Variants in CTTNBP2 observed in about 807,000 individuals in gnomAD.
CTTNBP2 encodes the protein cortactin-binding protein 2.
In CTTNBP2, 108 loss-of-function variants were observed where a neutral mutation model predicts 156.9. That is an observed-to-expected ratio of 0.69 (90% CI 0.59 to 0.81). The LOEUF is 0.81. Ranked by LOEUF, CTTNBP2 falls within the 30% of genes least tolerant of loss-of-function variation. CTTNBP2 has a pLI of 0.00. For missense variants in CTTNBP2, 1,924 were observed against 2,035.4 expected (o/e 0.95, Z 1.05); for synonymous variants, 767 against 751.8 (o/e 1.02, Z -0.33).
At chr7:117,807,526 T>TG (rs1405181361) in intron 3 of CTTNBP2, among the ~76,000 whole-genome samples, 3 of 152,232 alleles carry the variant, frequency 2.0e-5, no homozygotes, top group African/African-American at 4.8e-5. Flanking sequence ...CTCCTTCCTA[T>TG]GTTAGGAGAA....
At chr7:117,856,563 G>C (rs955751163) in intron 2 of CTTNBP2, among the ~76,000 whole-genome samples, 1 of 152,190 alleles carries the variant, frequency 6.6e-6, no homozygotes, top group African/African-American at 2.4e-5. Context: ...CTGAAGAAAT[G>C]TTAAACTGGC....
intron 2 of CTTNBP2, among the ~76,000 whole-genome samples, chr7:117,858,533 A>G (rs1239861910): frequency 6.6e-6 from 1 of 152,136 alleles, no homozygotes; most frequent in Non-Finnish European, 1.5e-5. Context: ...TTTATCTATA[A>G]AAAAAGGAAA....
chr7:117,805,050 C>T (rs571980352), intron 3 of CTTNBP2, among the ~76,000 whole-genome samples: 3 of 152,170 alleles, frequency 2.0e-5, no homozygotes, highest in African/African-American at 7.2e-5. Context: ...CTTTTGAATA[C>T]CTGACCTTCA....
chr7:117,801,827 C>G (rs185059204), intron 3 of CTTNBP2, among the ~76,000 whole-genome samples: 1 of 151,926 alleles, frequency 6.6e-6, no homozygotes, highest in East Asian at 1.9e-4. Flanking sequence ...ATGCTGATAC[C>G]GTACTATTCT....
At chr7:117,719,821 A>G (rs577893870) in intron 20 of CTTNBP2, among the ~76,000 whole-genome samples, 185 bp from the exon 21 acceptor site, 185 of 152,296 alleles carry the variant, frequency 1.2e-3, no homozygotes, top group Middle Eastern at 3.4e-3. Flanking sequence ...CTCCTACTCA[A>G]AATTCTTGAG....
chr7:117,871,216 A>G (rs534454309), intron 1 of CTTNBP2, among the ~76,000 whole-genome samples: 8 of 152,342 alleles, frequency 5.3e-5, no homozygotes, highest in African/African-American at 1.9e-4. Context: ...GTGATGACAC[A>G]TATCACTCCT....
chr7:117,723,004 A>C (rs1353509306), intron 19 of CTTNBP2, among the ~76,000 whole-genome samples: 1 of 152,180 alleles, frequency 6.6e-6, no homozygotes, highest in Non-Finnish European at 1.5e-5. Flanking sequence ...GAGCAAATGA[A>C]AGGTATAATC....
chr7:117,832,425 G>A (rs181174561), intron 2 of CTTNBP2, among the ~76,000 whole-genome samples: 8 of 152,126 alleles, frequency 5.3e-5, no homozygotes, highest in African/African-American at 1.7e-4. Flanking sequence ...AGGTATTACC[G>A]TATTTCTCCA....
intron 11 of CTTNBP2, 68 bp downstream of exon 11, chr7:117,757,807 A>T: frequency 2.0e-6 from 2 of 992,330 alleles, no homozygotes; most frequent in Admixed American, 5.5e-5. Flanking sequence ...AGATTTAAGA[A>T]CTGGTGCTCT....
At chr7:117,751,264 G>C (rs1244308429) in intron 12 of CTTNBP2, among the ~76,000 whole-genome samples, 1 of 152,198 alleles carries the variant, frequency 6.6e-6, no homozygotes, top group Non-Finnish European at 1.5e-5. Flanking sequence ...GCATTTTAAA[G>C]CAATAAATCC....
intron 6 of CTTNBP2, 74 bp downstream of exon 6, chr7:117,782,788 A>G: frequency 1.1e-6 from 1 of 952,110 alleles, no homozygotes; most frequent in South Asian, 1.5e-5. Context: ...ATTCAGCCGG[A>G]ACTAAAATAC....
rs565504640 is a variant in CTTNBP2 at position 117,847,800 on chromosome 7, T to A, written c.189+13409A>T. On this transcript the variant is annotated intron_variant, in intron 2 of 22. Coordinates refer to ENST00000160373, the MANE Select transcript of CTTNBP2 (RefSeq NM_033427.3). ...CTTTTGTTCCATGTCCAAATTTTTA[T>A]AGATCTTCTTTGCCTAACCTTTTTT... Among the ~76,000 whole-genome samples the A allele has an allele frequency of 2.7e-5, 4 of 150,440 alleles. No homozygotes were observed. The South Asian group carries it at 8.4e-4, about 32-fold the overall frequency.
chr7:117,823,706 G>A (rs368866703), intron 2 of CTTNBP2, among the ~76,000 whole-genome samples: 9 of 152,144 alleles, frequency 5.9e-5, no homozygotes, highest in African/African-American at 9.6e-5. Context: ...GACACTTTTC[G>A]TTTGTTTTTG....
chr7:117,777,236 T>A (rs1260168297), intron 8 of CTTNBP2, among the ~76,000 whole-genome samples: 2 of 152,230 alleles, frequency 1.3e-5, no homozygotes, highest in African/African-American at 4.8e-5. Context: ...GCCAATGATT[T>A]GTTCCTATAG....
At chr7:117,822,395 A>G (rs1025970581) in intron 2 of CTTNBP2, among the ~76,000 whole-genome samples, 10 of 132,078 alleles carry the variant, frequency 7.6e-5, no homozygotes, top group Admixed American at 2.1e-4. Flanking sequence ...TCTTTTAACA[A>G]AAAGTTTTTC....
At chr7:117,713,158 C>CGTGGAAAAATTGTCTTCCACGAAA (rs1386483169) in intron 22 of CTTNBP2, among the ~76,000 whole-genome samples, 19 of 152,148 alleles carry the variant, frequency 1.2e-4, no homozygotes, top group Non-Finnish European at 2.6e-4. Flanking sequence ...TACCCAGGTC[C>CGTGGAAAAATTGTCTTCCACGAAA]GTGGAAAAAT....
chr7:117,754,256 G>A (rs533139412), intron 12 of CTTNBP2, among the ~76,000 whole-genome samples: 1 of 152,226 alleles, frequency 6.6e-6, no homozygotes, highest in African/African-American at 2.4e-5. Flanking sequence ...GATCTTTCCT[G>A]ATAACTCCAT....
chr7:117,727,572 T>C (rs1374523800), intron 17 of CTTNBP2, among the ~76,000 whole-genome samples: 1 of 152,244 alleles, frequency 6.6e-6, no homozygotes, highest in African/African-American at 2.4e-5. Flanking sequence ...TCAAATCTGC[T>C]TGCTGGTCAC....
chr7:117,767,659 T>C (rs1797557123), intron 8 of CTTNBP2, among the ~76,000 whole-genome samples: 2 of 152,236 alleles, frequency 1.3e-5, no homozygotes, highest in African/African-American at 2.4e-5. Flanking sequence ...AGCATATTTG[T>C]ATTTGAGATG....
Sources: allele counts gnomAD v4.1 joint callset (sites outside exome capture counted in the v4.1 genomes callset), GRCh38; gene constraint gnomAD v4.1.1; transcripts MANE v1.5; gene names NCBI Gene and HGNC (gene_info 2026-07-23, HGNC 2026-07-21).